COG7: variants seen among roughly 807,000 people sequenced by gnomAD.
COG7 encodes conserved oligomeric Golgi complex subunit 7.
COG7 carries 49 observed loss-of-function variants against 91.5 expected under a neutral mutation model. That is an observed-to-expected ratio of 0.54 (90% CI 0.43 to 0.68). The LOEUF (loss-of-function observed/expected upper bound fraction) is 0.68, where lower values mean the gene tolerates loss of function less well. COG7 is among the 30% of genes least tolerant of loss of function. The pLI is 0.00. For synonymous variants in COG7, 365 were observed against 388.7 expected (o/e 0.94, Z 0.72); for missense variants, 895 against 961.3 (o/e 0.93, Z 0.91).
At chr16:23,415,336 GAGA>G (rs1034477558) in intron 9 of COG7, 4 of 152,230 alleles carry the variant, frequency 2.6e-5, no homozygotes, top group African/African-American at 9.6e-5. Flanking sequence ...CACACTGCAG[GAGA>G]AGGAGTTTTG....
chr16:23,409,088 T>TGCGC (rs1555493328), intron 11 of COG7, among the ~76,000 whole-genome samples: 45 of 147,840 alleles, frequency 3.0e-4, no homozygotes, highest in South Asian at 1.1e-3. Context: ...TGTGTGTGTG[T>TGCGC]GCGTGCATGT....
At chr16:23,429,120 G>A (rs1963894259) in intron 6 of COG7, among the ~76,000 whole-genome samples, 1 of 152,118 alleles carries the variant, frequency 6.6e-6, no homozygotes, top group Non-Finnish European at 1.5e-5. Flanking sequence ...CTCCTGAGTT[G>A]CTGAGACTAC....
chr16:23,399,456 A>G (rs1963338973), intron 13 of COG7, among the ~76,000 whole-genome samples: 1 of 152,188 alleles, frequency 6.6e-6, no homozygotes, highest in Non-Finnish European at 1.5e-5. Context: ...TTTGCAGAGA[A>G]GAGACAAAGA....
At chr16:23,397,240 T>C (rs902346663) in intron 14 of COG7, among the ~76,000 whole-genome samples, 1 of 152,182 alleles carries the variant, frequency 6.6e-6, no homozygotes, top group Non-Finnish European at 1.5e-5. Context: ...AATTCCTTTC[T>C]AGTCATTTTG....
At chr16:23,440,692 G>A (rs538619664) in intron 4 of COG7, among the ~76,000 whole-genome samples, 3 of 152,048 alleles carry the variant, frequency 2.0e-5, no homozygotes, top group African/African-American at 4.8e-5. Flanking sequence ...CCTGGGCTCA[G>A]GCGATCCTCC....
chr16:23,449,431 A>AAAATAAAAT (rs1964232471), intron 1 of COG7, among the ~76,000 whole-genome samples: 2 of 135,348 alleles, frequency 1.5e-5, no homozygotes, highest in Admixed American at 7.2e-5. Flanking sequence ...TAAAATAAAA[A>AAAATAAAAT]ATAAATAAAA....
intron 2 of COG7, 28 bp downstream of exon 2, chr16:23,445,785 C>T (rs1056756029): frequency 1.2e-6 from 2 of 1,612,378 alleles, no homozygotes; most frequent in Non-Finnish European, 1.7e-6. Context: ...TCACCATTTA[C>T]AACAGGAGCC....
chr16:23,388,805 A>G lies in COG7; in HGVS notation c.*115T>C. 6.4e-7 allele frequency: 1 copy of G among 1,564,150 alleles called. No individual in the cohort carries two copies. Among genetic ancestry groups the G allele is most frequent in the Non-Finnish European group, 8.6e-7 (1 of 1,156,640 alleles). On this transcript the variant is annotated 3_prime_UTR_variant, in exon 17 of 17. Coordinates refer to ENST00000307149, the MANE Select transcript of COG7 (RefSeq NM_153603.4). Reference sequence around the variant, plus strand: ...GTGAGCCACCGTGACCAGCTGAACCAAGTCTTTTTAAAGTAACTTCTGCCC... The same window carrying G: ...GTGAGCCACCGTGACCAGCTGAACCGAGTCTTTTTAAAGTAACTTCTGCCC...
rs989129973 is a variant in COG7, at chr16:23,427,365, C to T, written c.811-2418G>A. On this transcript the variant is annotated intron_variant, in intron 6 of 16. Coordinates refer to ENST00000307149, the MANE Select transcript of COG7 (RefSeq NM_153603.4). Reference sequence around the variant, plus strand: ...TGGTGGGCACCTGTAATCCCAGCTACTCGGGAGGCTGAGGCAGAGAATTGC... The same window carrying T: ...TGGTGGGCACCTGTAATCCCAGCTATTCGGGAGGCTGAGGCAGAGAATTGC... Among the ~76,000 whole-genome samples, 5 of 151,590 alleles carry T rather than the reference C, an allele frequency of 3.3e-5. No homozygotes were observed. In the South Asian group the frequency reaches 6.2e-4, roughly 19 times the overall value.
chr16:23,442,061 G>A (rs1029480080), intron 4 of COG7: 4 of 180,726 alleles, frequency 2.2e-5, no homozygotes, highest in Non-Finnish European at 3.6e-5. Context: ...GGCCGGGCGC[G>A]GTGGCTCATG....
chr16:23,451,822 G>C (rs1179679071), intron 1 of COG7, among the ~76,000 whole-genome samples: 1 of 150,974 alleles, frequency 6.6e-6, no homozygotes, highest in East Asian at 1.9e-4. Context: ...TTCTAGATCT[G>C]TGTCATTCTC....
At chr16:23,421,988 T>A (rs111788352) in intron 7 of COG7, among the ~76,000 whole-genome samples, 1 of 152,146 alleles carries the variant, frequency 6.6e-6, no homozygotes, top group Non-Finnish European at 1.5e-5. Flanking sequence ...CAGTTCATTA[T>A]AGTTTTATAT....
chr16:23,424,015 T>C (rs1344285267), intron 7 of COG7, among the ~76,000 whole-genome samples: 1 of 152,162 alleles, frequency 6.6e-6, no homozygotes, highest in Non-Finnish European at 1.5e-5. Flanking sequence ...AAAAAGCCCC[T>C]GTAGGCTGGG....
At chr16:23,448,815 C>T (rs999162306) in intron 1 of COG7, among the ~76,000 whole-genome samples, 2 of 152,190 alleles carry the variant, frequency 1.3e-5, no homozygotes, top group Admixed American at 1.3e-4. Context: ...GAGCAAGTTA[C>T]TTAACTTCTC....
chr16:23,411,882 CTTT>C (rs1230807496), intron 10 of COG7, among the ~76,000 whole-genome samples: 1 of 137,696 alleles, frequency 7.3e-6, no homozygotes. Flanking sequence ...TTCCAGATTG[CTTT>C]TTTTTTTTTT....
At chr16:23,442,820 G>A (rs1469503479) in intron 3 of COG7, among the ~76,000 whole-genome samples, 175 bp from the exon 4 acceptor site, 2 of 152,102 alleles carry the variant, frequency 1.3e-5, no homozygotes, top group African/African-American at 4.8e-5. Flanking sequence ...AGGATCCCTT[G>A]AAGCCAGGAG....
intron 9 of COG7, 54 bp from the exon 10 acceptor site, chr16:23,413,618 T>G: frequency 1.1e-6 from 1 of 945,108 alleles, no homozygotes; most frequent in African/African-American, 1.6e-5. Context: ...TCCCCAACTC[T>G]AAAGAGACCT....
intron 4 of COG7, among the ~76,000 whole-genome samples, chr16:23,435,374 G>A (rs1963998318): frequency 6.6e-6 from 1 of 151,900 alleles, no homozygotes; most frequent in South Asian, 2.1e-4. Context: ...CTAAAACAAA[G>A]CAAAACAAAA....
Position 23,403,748 on chromosome 16 carries a change from G to C in COG7, c.1749C>G (p.Phe583Leu). Reference sequence around the variant, plus strand: ...GTTTGATGCGCAGGAACACGGAATCGAAAGCCAGCTGGTGGGCCTGCTGGT... The same window carrying C: ...GTTTGATGCGCAGGAACACGGAATCCAAAGCCAGCTGGTGGGCCTGCTGGT... The part of the protein sequence containing the change: ...RLNQQAHQLA[F>L]DSVFLRIKQQ... The change falls in exon 13 of 17, where the codon TTC (phenylalanine) becomes TTG (leucine). Residue 583 changes from phenylalanine to leucine, a missense_variant. Coordinates refer to ENST00000307149, the MANE Select transcript of COG7 (RefSeq NM_153603.4). The C allele has an allele frequency of 1.2e-6, 2 of 1,614,212 alleles. No individual in the cohort carries two copies. The highest frequency in any genetic ancestry group is 8.5e-7 in the Non-Finnish European group (1 of 1,180,038).
Sources: gnomAD v4.1 joint callset for allele counts (sites outside exome capture counted in the v4.1 genomes callset) on GRCh38, gnomAD v4.1.1 for gene constraint, MANE v1.5 for transcripts, NCBI Gene and HGNC (gene_info 2026-07-23, HGNC 2026-07-21) for gene names.